NDRG3: variants seen among roughly 807,000 people sequenced by gnomAD.
The protein encoded by NDRG3 is NDRG family member 3.
NDRG3 carries 23 observed loss-of-function variants against 57.2 expected under a neutral mutation model. The observed-to-expected ratio is 0.40, with a 90% CI of 0.29 to 0.57. The LOEUF is 0.57. NDRG3 is among the 20% of genes least tolerant of loss of function. NDRG3 has a pLI of 0.42. For missense variants in NDRG3, 384 were observed against 457.3 expected (o/e 0.84, Z 1.46); for synonymous variants, 132 against 162.6 (o/e 0.81, Z 1.43).
At chr20:36,707,154 G>A in intron 2 of NDRG3, 147 bp from the exon 3 acceptor site, 2 of 691,584 alleles carry the variant, frequency 2.9e-6, no homozygotes, top group Non-Finnish European at 5.0e-6. Context: ...GGTTTCAGAG[G>A]CAGAGTGGGT....
chr20:36,742,005 GT>G (rs1702979801), intron 1 of NDRG3, among the ~76,000 whole-genome samples: 1 of 152,130 alleles, frequency 6.6e-6, no homozygotes, highest in African/African-American at 2.4e-5. Flanking sequence ...GATTCAAAAT[GT>G]TTTCCTGTCC....
At chr20:36,673,158 C>T (rs980299106) in intron 8 of NDRG3, among the ~76,000 whole-genome samples, 1 of 152,092 alleles carries the variant, frequency 6.6e-6, no homozygotes, top group Non-Finnish European at 1.5e-5. Flanking sequence ...AACACTGCGC[C>T]CAGCCAGGAC....
chr20:36,699,774 G>T (rs1983088179), intron 3 of NDRG3, among the ~76,000 whole-genome samples: 1 of 151,832 alleles, frequency 6.6e-6, no homozygotes, highest in South Asian at 2.1e-4. Flanking sequence ...GTCAGGAGAA[G>T]GATGGTAAAA....
chr20:36,684,340 C>G, intron 6 of NDRG3, 73 bp downstream of exon 6: 15 of 1,292,838 alleles, frequency 1.2e-5, no homozygotes, highest in Non-Finnish European at 1.6e-5. Context: ...ATCATATCCT[C>G]TGAAACAGAC....
chr20:36,702,904 G>A (rs1568654975), intron 3 of NDRG3, among the ~76,000 whole-genome samples: 1 of 151,456 alleles, frequency 6.6e-6, no homozygotes, highest in Non-Finnish European at 1.5e-5. Flanking sequence ...GGCTGGTCTT[G>A]AACTCCCGAC....
intron 2 of NDRG3, among the ~76,000 whole-genome samples, chr20:36,715,331 G>C (rs1984208681): frequency 6.6e-6 from 1 of 151,346 alleles, no homozygotes; most frequent in Non-Finnish European, 1.5e-5. Flanking sequence ...CCCATTTCTT[G>C]CTGCAGTCCC....
chr20:36,682,599 C>G, intron 6 of NDRG3, 21 bp from the exon 7 acceptor site: 1 of 1,609,196 alleles, frequency 6.2e-7, no homozygotes, highest in Non-Finnish European at 8.5e-7. Flanking sequence ...GACATAACGA[C>G]AACTGACAGA....
At chr20:36,671,460 A>T (rs963021805) in intron 8 of NDRG3, 63 bp from the exon 9 acceptor site, 71 of 1,258,688 alleles carry the variant, frequency 5.6e-5, no homozygotes, top group Admixed American at 7.2e-5. Flanking sequence ...CAAGCTGCCC[A>T]ATTAAAATGA....
At chr20:36,657,906 T>C (rs1978818822) in intron 13 of NDRG3, among the ~76,000 whole-genome samples, 1 of 152,198 alleles carries the variant, frequency 6.6e-6, no homozygotes, top group South Asian at 2.1e-4. Flanking sequence ...ACAGTTCCCA[T>C]ATGCAGAGAG....
chr20:36,702,714 G>T (rs1983314998), intron 3 of NDRG3, among the ~76,000 whole-genome samples: 1 of 150,108 alleles, frequency 6.7e-6, no homozygotes, highest in Non-Finnish European at 1.5e-5. Flanking sequence ...TTGAGATGGA[G>T]TTTCGCTCTT....
At chr20:36,698,184 C>T (rs1982963613) in intron 3 of NDRG3, among the ~76,000 whole-genome samples, 1 of 151,808 alleles carries the variant, frequency 6.6e-6, no homozygotes, top group African/African-American at 2.4e-5. Flanking sequence ...CCAGGCTGGT[C>T]TCAAACTCCT....
At chr20:36,662,173 C>T (rs889820271) in intron 12 of NDRG3, among the ~76,000 whole-genome samples, 1 of 151,870 alleles carries the variant, frequency 6.6e-6, no homozygotes, top group Non-Finnish European at 1.5e-5. Context: ...ATTTCAACAA[C>T]ATTATAAGAA....
At chr20:36,656,132 C>CAAAA (rs1180409064) in intron 15 of NDRG3, among the ~76,000 whole-genome samples, 2 of 49,208 alleles carry the variant, frequency 4.1e-5, no homozygotes, top group Non-Finnish European at 8.9e-5. Flanking sequence ...GACTCTGTCT[C>CAAAA]AAAAAAAAAA....
chr20:36,663,108 G>C (rs1374245604), intron 12 of NDRG3, among the ~76,000 whole-genome samples: 1 of 152,158 alleles, frequency 6.6e-6, no homozygotes, highest in Non-Finnish European at 1.5e-5. Flanking sequence ...TTATAAAGTT[G>C]CTTCTTGATA....
intron 1 of NDRG3, among the ~76,000 whole-genome samples, chr20:36,741,470 C>CA (rs762691042): frequency 3.9e-5 from 6 of 152,136 alleles, no homozygotes; most frequent in Admixed American, 2.0e-4. Context: ...TATATATCTT[C>CA]AAAAAAGATT....
At chr20:36,735,291 A>G (rs1418508712) in intron 1 of NDRG3, among the ~76,000 whole-genome samples, 1 of 152,206 alleles carries the variant, frequency 6.6e-6, no homozygotes, top group Admixed American at 6.5e-5. Context: ...TGACGCTCAG[A>G]CTAAATGCTC....
chr20:36,653,363 CA>C lies in NDRG3; in HGVS notation c.*156del. On this transcript the variant is annotated 3_prime_UTR_variant, in exon 16 of 16. Transcript: ENST00000349004. This position sits in a 1 kb window ranked among gnomAD's most constrained non-coding sequence, Gnocchi z 4.2. ...TGGGCTATACAAAAAAGGGGGTGGG[CA>C]GGCAGAGAGAATGATAAATCCAGGC... The C allele has an allele frequency of 1.6e-6, 1 of 627,284 alleles. No individual in the cohort carries two copies. Among genetic ancestry groups the C allele is most frequent in the Non-Finnish European group, 2.7e-6 (1 of 372,190 alleles). 38.9% of individuals were successfully genotyped at this position (627,284 alleles called of 1,614,324 possible).
At chr20:36,697,963 C>CTTT (rs1026025529) in intron 3 of NDRG3, among the ~76,000 whole-genome samples, 26 of 123,058 alleles carry the variant, frequency 2.1e-4, no homozygotes, top group East Asian at 4.8e-4. Context: ...TTTCTTTTTT[C>CTTT]TTTTTTTTTT....
At chr20:36,687,364 T>C (rs1981876196) in intron 5 of NDRG3, 128 bp downstream of exon 5, 4 of 1,155,582 alleles carry the variant, frequency 3.5e-6, no homozygotes, top group Admixed American at 2.5e-5. Flanking sequence ...ATGAGGATGG[T>C]TGGTCAATAA....
Sources: gnomAD v4.1 joint callset for allele counts (sites outside exome capture counted in the v4.1 genomes callset) on GRCh38, gnomAD v4.1.1 for gene constraint, Gnocchi (gnomAD v3.1) non-coding constraint, MANE v1.5 for transcripts, NCBI Gene and HGNC (gene_info 2026-07-23, HGNC 2026-07-21) for gene names.